Variants in SUPT3H observed in about 807,000 individuals in gnomAD.
SUPT3H encodes the protein transcription initiation protein SPT3 homolog.
In SUPT3H, 44 loss-of-function variants were observed where a neutral mutation model predicts 44.3. The observed-to-expected ratio is 0.99, with a 90% CI of 0.78 to 1.28. The LOEUF is 1.28. Ranked by LOEUF, SUPT3H falls within the 50% of genes most tolerant of loss-of-function variation. The pLI is 0.00. For missense variants in SUPT3H, 380 were observed against 387.1 expected, an observed-to-expected ratio of 0.98 and a Z score of 0.15; for synonymous variants, 124 against 125.6, an observed-to-expected ratio of 0.99 and a Z score of 0.09.
At chr6:45,306,559 G>A (rs1465157148) in intron 2 of SUPT3H, among the ~76,000 whole-genome samples, 1 of 152,064 alleles carries the variant, frequency 6.6e-6, no homozygotes, top group Non-Finnish European at 1.5e-5. Context: ...GTCTGCAAGG[G>A]GTGACTACTC....
intron 10 of SUPT3H, among the ~76,000 whole-genome samples, chr6:44,869,940 C>T (rs1281045676): frequency 1.3e-5 from 2 of 152,190 alleles, no homozygotes; most frequent in African/African-American, 2.4e-5. Flanking sequence ...CTTTTCATTT[C>T]CCTGCCTCTA....
chr6:45,140,024 A>G (rs1322889991), intron 2 of SUPT3H, among the ~76,000 whole-genome samples: 1 of 152,110 alleles, frequency 6.6e-6, no homozygotes. Context: ...GCAAGGTCTG[A>G]GCGGGGTACT....
chr6:44,897,940 CA>C (rs1764353631), intron 10 of SUPT3H, among the ~76,000 whole-genome samples: 1 of 152,128 alleles, frequency 6.6e-6, no homozygotes, highest in Non-Finnish European at 1.5e-5. Context: ...TCTTGTTATA[CA>C]ATTATATAAG....
intron 2 of SUPT3H, among the ~76,000 whole-genome samples, chr6:45,270,308 A>T (rs1775914373): frequency 6.6e-6 from 1 of 151,872 alleles, no homozygotes. Flanking sequence ...TAAAAAAAAA[A>T]GTGGTTGACA....
intron 2 of SUPT3H, among the ~76,000 whole-genome samples, chr6:45,345,320 A>T (rs142760621): frequency 6.6e-6 from 1 of 152,294 alleles, no homozygotes; most frequent in East Asian, 1.9e-4. Flanking sequence ...CTTTTGCCCC[A>T]TCTCAGCAAC....
chr6:44,975,538 C>T (rs1778204482), intron 6 of SUPT3H, among the ~76,000 whole-genome samples: 1 of 145,012 alleles, frequency 6.9e-6, no homozygotes, highest in Non-Finnish European at 1.5e-5. Context: ...TATGAAGATG[C>T]AAAGGCATAA....
chr6:45,078,485 A>G (rs956414875), intron 3 of SUPT3H, among the ~76,000 whole-genome samples: 1 of 152,144 alleles, frequency 6.6e-6, no homozygotes, highest in African/African-American at 2.4e-5. Context: ...TTTTATTATA[A>G]ATTTAGCTCT....
intron 2 of SUPT3H, among the ~76,000 whole-genome samples, chr6:45,237,232 G>A (rs1769337051): frequency 6.6e-6 from 1 of 152,186 alleles, no homozygotes; most frequent in Admixed American, 6.5e-5. Context: ...AGTAGATACA[G>A]GAGTGGACAT....
chr6:45,060,867 T>C (rs563215829), intron 3 of SUPT3H, among the ~76,000 whole-genome samples: 44 of 152,258 alleles, frequency 2.9e-4, no homozygotes, highest in African/African-American at 9.9e-4. Context: ...TCACTGATCA[T>C]TAGAGAAGTG....
At chr6:45,243,197 CAAAAAAAA>C (rs61643038) in intron 2 of SUPT3H, among the ~76,000 whole-genome samples, 10 of 72,560 alleles carry the variant, frequency 1.4e-4, no homozygotes, top group Admixed American at 4.0e-4. Flanking sequence ...GACTCCTTCT[CAAAAAAAA>C]AAAAAAAAAA....
At chr6:45,174,593 A>G (rs1188698033) in intron 2 of SUPT3H, among the ~76,000 whole-genome samples, 2 of 152,222 alleles carry the variant, frequency 1.3e-5, no homozygotes. Context: ...TGCTTAAAAC[A>G]GCTTTCACTT....
At chr6:44,837,036 T>C (rs1770035240) in intron 10 of SUPT3H, among the ~76,000 whole-genome samples, 1 of 152,182 alleles carries the variant, frequency 6.6e-6, no homozygotes, top group South Asian at 2.1e-4. Flanking sequence ...TTAGAATCAA[T>C]AGTAGGTTTG....
Position 44,816,905 on chromosome 6 carries a change from CA to C in SUPT3H, c.*53-7405del, listed in dbSNP as rs547171999. Among the ~76,000 whole-genome samples the C allele has an allele frequency of 3.7e-3, 377 of 103,248 alleles. 2 individuals are homozygous for C. The highest frequency in any genetic ancestry group is 0.013 in the African/African-American group (357 of 28,484). The allele number at this position is 103,248 out of a possible 152,430, so 67.7% of individuals were successfully genotyped here. On this transcript the variant is annotated intron_variant and NMD_transcript_variant, in intron 11 of 11. Transcript: ENST00000475057. ...CTGTCACTACAAAATAAAACAACAA[CA>C]AAAAAAATGCCAGGCATGGTGATGT...
chr6:44,823,364 G>C (rs569376021), downstream of SUPT3H, among the ~76,000 whole-genome samples: 1 of 152,222 alleles, frequency 6.6e-6, no homozygotes, highest in Non-Finnish European at 1.5e-5. Context: ...GAAAGAGCTA[G>C]GGAAGGAGAC....
intron 10 of SUPT3H, among the ~76,000 whole-genome samples, chr6:44,910,514 A>C (rs961955305): frequency 3.3e-5 from 5 of 152,108 alleles, no homozygotes; most frequent in Non-Finnish European, 7.4e-5. Context: ...AACAAAATAA[A>C]CCCCAAAATG....
chr6:45,100,847 G>A (rs998997080), intron 3 of SUPT3H, among the ~76,000 whole-genome samples: 3 of 152,032 alleles, frequency 2.0e-5, no homozygotes, highest in African/African-American at 7.2e-5. Context: ...CCACTACTGG[G>A]TCCACATACA....
At chr6:45,211,301 C>T (rs1021169311) in intron 2 of SUPT3H, among the ~76,000 whole-genome samples, 1 of 152,018 alleles carries the variant, frequency 6.6e-6, no homozygotes, top group Non-Finnish European at 1.5e-5. Flanking sequence ...CAGTAAGGCT[C>T]CTACTCTCTC....
At chr6:45,141,638 A>T (rs1162004553) in intron 2 of SUPT3H, among the ~76,000 whole-genome samples, 5 of 94,066 alleles carry the variant, frequency 5.3e-5, no homozygotes, top group African/African-American at 1.4e-4. Context: ...CTTTAAATTA[A>T]CCCAAAAGAC....
At chr6:45,081,893 G>A (rs546628441) in intron 3 of SUPT3H, among the ~76,000 whole-genome samples, 1 of 151,996 alleles carries the variant, frequency 6.6e-6, no homozygotes, top group African/African-American at 2.4e-5. Flanking sequence ...AAAATCAAGT[G>A]AACTTTCACT....
Sources: allele counts gnomAD v4.1 joint callset (sites outside exome capture counted in the v4.1 genomes callset), GRCh38; gene constraint gnomAD v4.1.1; transcripts MANE v1.5; gene names NCBI Gene and HGNC (gene_info 2026-07-23, HGNC 2026-07-21).